The following SHANK2 variants were observed in gnomAD, a reference collection of about 807,000 sequenced individuals.
SHANK2 encodes SH3 and multiple ankyrin repeat domains protein 2.
A neutral mutation model predicts 133.7 loss-of-function variants in SHANK2; 43 were observed. That is an observed-to-expected ratio of 0.32 (90% CI 0.25 to 0.41). SHANK2 has a LOEUF of 0.41. Among genes scored for constraint, SHANK2 ranks in the 10% least tolerant of loss-of-function variants. SHANK2 has a pLI of 1.00. For synonymous variants in SHANK2, 1,017 were observed against 952.8 expected (o/e 1.07, Z -1.24); for missense variants, 1,994 against 2,235.8 (o/e 0.89, Z 2.18).
chr11:71,205,672 A>G (rs1251308516), intron 2 of SHANK2, among the ~76,000 whole-genome samples: 1 of 152,198 alleles, frequency 6.6e-6, no homozygotes, highest in East Asian at 1.9e-4. Context: ...GGAAAGTTCC[A>G]GAGAGGGGTA....
rs1175907347 is a variant in SHANK2 at position 70,502,835 on chromosome 11, T to A, written c.2158A>T (p.Thr720Ser). The A allele has an allele frequency of 1.3e-6, 2 of 1,593,344 alleles. No individual in the cohort carries two copies. The highest frequency in any genetic ancestry group is 1.7e-6 in the Non-Finnish European group (2 of 1,168,472). ...GTGTCGTCGGGGTCCAGATTCCTGG[T>A]CACCGTGACCACCTTAAGGACCAGG... ...NHLVLKVVTV[T>S]RNLDPDDTAR... Residue 720 changes from threonine to serine, a missense_variant, in exon 18 of 26, where the codon ACC becomes TCC. By Grantham distance (58) the Thr-to-Ser change is moderately conservative. Around this residue, in one of 5 missense-constraint regions of SHANK2, gnomAD observed 488 missense variants for 642.6 expected, o/e 0.76. Transcript: ENST00000601538.
chr11:70,659,786 C>T (rs373583176), intron 17 of SHANK2, 42 bp downstream of exon 17: 26 of 1,613,068 alleles, frequency 1.6e-5, no homozygotes, highest in African/African-American at 8.0e-5. Flanking sequence ...CGAGAGTCGG[C>T]GCTCTCCCCA....
chr11:71,226,125 A>G (rs549313219), intron 1 of SHANK2, among the ~76,000 whole-genome samples: 16 of 152,326 alleles, frequency 1.1e-4, no homozygotes, highest in African/African-American at 3.6e-4. Flanking sequence ...CCATCTTACA[A>G]AAAAAGAAAA....
intron 14 of SHANK2, among the ~76,000 whole-genome samples, chr11:70,734,977 G>C (rs917062335): frequency 6.6e-6 from 1 of 152,216 alleles, no homozygotes; most frequent in South Asian, 2.1e-4. Flanking sequence ...CCCTGGAGAC[G>C]AGCGGGCCCA....
intron 14 of SHANK2, among the ~76,000 whole-genome samples, chr11:70,784,382 C>T (rs1322417155): frequency 8.5e-5 from 7 of 82,352 alleles, no homozygotes; most frequent in Admixed American, 1.7e-4. Flanking sequence ...TTTTAAGTAG[C>T]GACGGGGTTT....
chr11:70,704,850 G>A (rs1161526101), intron 14 of SHANK2, among the ~76,000 whole-genome samples: 1 of 152,210 alleles, frequency 6.6e-6, no homozygotes, highest in African/African-American at 2.4e-5. Context: ...GGCGCATGTG[G>A]TCAGACACTA....
At chr11:70,650,375 G>A (rs1044317461) in intron 17 of SHANK2, among the ~76,000 whole-genome samples, 1 of 152,330 alleles carries the variant, frequency 6.6e-6, no homozygotes, top group East Asian at 1.9e-4. Flanking sequence ...GGAGGGAGGG[G>A]ACATGCTGAG....
At chr11:70,677,774 A>G (rs1292989901) in intron 15 of SHANK2, among the ~76,000 whole-genome samples, 1 of 152,136 alleles carries the variant, frequency 6.6e-6, no homozygotes, top group Non-Finnish European at 1.5e-5. Context: ...ACTCCCTCTC[A>G]CACTGCTCTG....
chr11:70,762,661 CA>C (rs1450787983), intron 14 of SHANK2, among the ~76,000 whole-genome samples: 3 of 152,172 alleles, frequency 2.0e-5, no homozygotes, highest in Non-Finnish European at 4.4e-5. Context: ...CAGTGGAGGT[CA>C]TAGCTCCTTC....
intron 17 of SHANK2, among the ~76,000 whole-genome samples, chr11:70,615,142 C>G (rs1185600502): frequency 2.0e-5 from 3 of 152,162 alleles, no homozygotes; most frequent in Admixed American, 6.5e-5. Context: ...CCCTCTGAAC[C>G]AAGAGCTGTT....
At chr11:71,183,973 G>A (rs1246580276) in intron 2 of SHANK2, among the ~76,000 whole-genome samples, 1 of 152,108 alleles carries the variant, frequency 6.6e-6, no homozygotes, top group Non-Finnish European at 1.5e-5. Flanking sequence ...TGTGTTCTAC[G>A]CTTGTACTTC....
intron 14 of SHANK2, among the ~76,000 whole-genome samples, chr11:70,726,515 G>C (rs1946184494): frequency 6.6e-6 from 1 of 152,162 alleles, no homozygotes; most frequent in African/African-American, 2.4e-5. Flanking sequence ...TGGGATCAGG[G>C]CTGGAACGGA....
chr11:70,594,315 G>A (rs536282571), intron 17 of SHANK2, among the ~76,000 whole-genome samples: 11 of 152,230 alleles, frequency 7.2e-5, no homozygotes, highest in Middle Eastern at 6.8e-3. Context: ...GGTTGCCCTT[G>A]GTGCACTCTG....
chr11:71,198,829 T>C (rs1178178287), intron 2 of SHANK2, among the ~76,000 whole-genome samples: 1 of 152,244 alleles, frequency 6.6e-6, no homozygotes, highest in Non-Finnish European at 1.5e-5. Context: ...GAGTTGGTTC[T>C]GGATCCTGCA....
rs1392177174 is a variant in SHANK2 at position 71,166,942 on chromosome 11, G to A, written c.-12-19604C>T. On this transcript the variant is annotated intron_variant, in intron 2 of 25. Coordinates refer to ENST00000601538, the MANE Select transcript of SHANK2 (RefSeq NM_012309.5). The stretch of plus-strand genomic sequence containing the variant: ...TAGGCAGAGGACCCTGCGGCCTTCC[G>A]CAGTGTTTGTGTCCCTGGGTACTTG... Among the ~76,000 whole-genome samples, 6 of 137,502 alleles carry A rather than the reference G, an allele frequency of 4.4e-5. 1 individual carries two copies. The highest frequency in any genetic ancestry group is 2.9e-4 in the Admixed American group (4 of 13,964). The allele number at this position is 137,502 out of a possible 152,430, so 90.2% of individuals were successfully genotyped here. A position where few individuals can be genotyped will look rare whatever the true frequency, so the allele number is the denominator to read the frequency against.
At chr11:70,901,821 A>G (rs1417137230) in intron 10 of SHANK2, among the ~76,000 whole-genome samples, 1 of 152,158 alleles carries the variant, frequency 6.6e-6, no homozygotes, top group African/African-American at 2.4e-5. Flanking sequence ...TGGATGTCAG[A>G]CGTGGTGAAT....
chr11:70,909,989 T>A (rs1950165834), intron 10 of SHANK2, among the ~76,000 whole-genome samples: 1 of 152,182 alleles, frequency 6.6e-6, no homozygotes, highest in African/African-American at 2.4e-5. Context: ...TAGGTCCTCC[T>A]GAGGCCTGTC....
chr11:70,813,955 GC>G (rs1948331889), intron 12 of SHANK2, among the ~76,000 whole-genome samples: 1 of 152,188 alleles, frequency 6.6e-6, no homozygotes, highest in African/African-American at 2.4e-5. Context: ...TGCAATGACT[GC>G]TTCAGGGACG....
intron 15 of SHANK2, among the ~76,000 whole-genome samples, chr11:70,689,606 T>TA (rs1945231628): frequency 6.6e-6 from 1 of 152,172 alleles, no homozygotes; most frequent in South Asian, 2.1e-4. Context: ...CTATAACTTC[T>TA]TACTGGCAAT....
Sources: gnomAD v4.1 joint callset for allele counts (sites outside exome capture counted in the v4.1 genomes callset) on GRCh38, gnomAD v4.1.1 for gene constraint, gnomAD v4.1.1 regional missense constraint, MANE v1.5 for transcripts, NCBI Gene and HGNC (gene_info 2026-07-23, HGNC 2026-07-21) for gene names.